CA10: variants seen among roughly 807,000 people sequenced by gnomAD.
CA10 encodes the protein carbonic anhydrase-related protein 10.
CA10 carries 14 observed loss-of-function variants against 44.2 expected under a neutral mutation model. That is an observed-to-expected ratio of 0.32 (90% CI 0.21 to 0.50). The LOEUF (loss-of-function observed/expected upper bound fraction) is 0.50. CA10 is among the 20% of genes least tolerant of loss of function. CA10 has a pLI of 0.99. For synonymous variants in CA10, 159 were observed against 141.6 expected (o/e 1.12, Z -0.87); for missense variants, 350 against 409.7 (o/e 0.85, Z 1.26).
intron 1 of CA10, among the ~76,000 whole-genome samples, chr17:52,098,718 T>C (rs939104762): frequency 3.9e-5 from 6 of 152,180 alleles, no homozygotes; most frequent in African/African-American, 1.4e-4. Flanking sequence ...GATACCTACC[T>C]GTTCCTCTAC....
At chr17:51,772,137 A>G (rs1207480253) in intron 3 of CA10, among the ~76,000 whole-genome samples, 1 of 152,184 alleles carries the variant, frequency 6.6e-6, no homozygotes, top group East Asian at 1.9e-4. Flanking sequence ...CCTCATCTGT[A>G]TATGGGGAGA....
At chr17:52,008,057 C>G (rs1985661712) in intron 2 of CA10, among the ~76,000 whole-genome samples, 1 of 151,514 alleles carries the variant, frequency 6.6e-6, no homozygotes, top group Non-Finnish European at 1.5e-5. Context: ...ATTACTCATT[C>G]AGTCTCTCTT....
At chr17:52,066,816 G>A (rs918206610) in intron 2 of CA10, among the ~76,000 whole-genome samples, 1 of 152,190 alleles carries the variant, frequency 6.6e-6, no homozygotes, top group Non-Finnish European at 1.5e-5. Flanking sequence ...CCACCCCAGA[G>A]ATCTGTGGAG....
intron 3 of CA10, among the ~76,000 whole-genome samples, chr17:51,857,901 G>A (rs911814936): frequency 1.3e-5 from 2 of 152,114 alleles, no homozygotes; most frequent in African/African-American, 4.8e-5. Context: ...GCACAGTCAG[G>A]GTTGAAATTG....
intron 4 of CA10, among the ~76,000 whole-genome samples, chr17:51,716,654 GTTCA>G (rs1258054712): frequency 1.3e-5 from 2 of 152,078 alleles, no homozygotes; most frequent in Non-Finnish European, 2.9e-5. Flanking sequence ...TGAACTTGGG[GTTCA>G]TTAAGCTGCA....
At chr17:51,967,723 A>G (rs1486524414) in intron 2 of CA10, among the ~76,000 whole-genome samples, 1 of 151,728 alleles carries the variant, frequency 6.6e-6, no homozygotes, top group South Asian at 2.1e-4. Context: ...AAGAGTTGAA[A>G]AACTGTCAGG....
At chr17:51,962,510 ACT>A (rs1483180785) in intron 2 of CA10, among the ~76,000 whole-genome samples, 1 of 152,190 alleles carries the variant, frequency 6.6e-6, no homozygotes, top group Non-Finnish European at 1.5e-5. Flanking sequence ...TAGAGCTTCT[ACT>A]GGTAAACAAG....
At chr17:51,640,410 C>A (rs1913032201) in intron 6 of CA10, among the ~76,000 whole-genome samples, 1 of 152,154 alleles carries the variant, frequency 6.6e-6, no homozygotes, top group African/African-American at 2.4e-5. Context: ...GGTGAGATTG[C>A]CTGCCCTGTT....
intron 1 of CA10, among the ~76,000 whole-genome samples, chr17:52,097,543 A>G (rs538481614): frequency 4.2e-4 from 64 of 152,264 alleles, no homozygotes; most frequent in African/African-American, 1.5e-3. Context: ...TGATATTTCT[A>G]TCCAGTACAC....
At chr17:51,942,189 T>C (rs1983104476) in intron 2 of CA10, among the ~76,000 whole-genome samples, 1 of 152,118 alleles carries the variant, frequency 6.6e-6, no homozygotes, top group South Asian at 2.1e-4. Flanking sequence ...GGTTTATGTG[T>C]ATGTAGGGTA....
chr17:51,849,266 A>ATATATATATATATATAT (rs1555605624), intron 3 of CA10, among the ~76,000 whole-genome samples: 2 of 68,442 alleles, frequency 2.9e-5, no homozygotes, highest in Non-Finnish European at 7.8e-5. Context: ...TATATATATA[A>ATATATATATATATATAT]AACTAAGTTT....
chr17:51,942,563 C>G (rs1013378959), intron 2 of CA10, among the ~76,000 whole-genome samples: 6 of 130,656 alleles, frequency 4.6e-5, no homozygotes, highest in African/African-American at 1.5e-4. Flanking sequence ...TATCTGTCAT[C>G]TCCCAAATCT....
At chr17:51,845,051 G>A (rs1256283319) in intron 3 of CA10, among the ~76,000 whole-genome samples, 2 of 152,182 alleles carry the variant, frequency 1.3e-5, no homozygotes, top group Non-Finnish European at 1.5e-5. Flanking sequence ...GCCAAGGAAT[G>A]CCAAGGATTG....
intron 2 of CA10, among the ~76,000 whole-genome samples, chr17:52,050,813 G>A (rs572273090): frequency 3.3e-4 from 50 of 152,156 alleles, no homozygotes; most frequent in African/African-American, 1.1e-3. Context: ...TTCATAGAAT[G>A]TGCATACTTT....
intron 3 of CA10, among the ~76,000 whole-genome samples, chr17:51,829,981 G>A (rs765463987): frequency 3.9e-5 from 6 of 152,214 alleles, no homozygotes; most frequent in Middle Eastern, 3.4e-3. Context: ...GGCAGATCAC[G>A]AGGTTAAGAG....
rs1980219353 is a variant in CA10 at position 51,878,869 on chromosome 17, TATATATATATATATA to T, written c.279+52106_279+52120del. Among the ~76,000 whole-genome samples, 13 of 26,820 alleles carry T rather than the reference TATATATATATATATA, an allele frequency of 4.8e-4. 1 individual carries two copies. The highest frequency in any genetic ancestry group is 2.8e-3 in the East Asian group (1 of 358). The allele number at this position is 26,820 out of a possible 152,430, so 17.6% of individuals were successfully genotyped here. Reference sequence around the variant, plus strand: ...ATATATATATATATATATATATATATATATATATATATATATATATATGGGTGTGTGTGTGTGTGT... The same window carrying T: ...ATATATATATATATATATATATATATTATATATGGGTGTGTGTGTGTGTGT... On this transcript the variant is annotated intron_variant, in intron 3 of 8. Coordinates refer to ENST00000451037, the MANE Select transcript of CA10 (RefSeq NM_020178.5).
chr17:51,784,202 T>G (rs1177553855), intron 3 of CA10, among the ~76,000 whole-genome samples: 1 of 152,162 alleles, frequency 6.6e-6, no homozygotes, highest in Non-Finnish European at 1.5e-5. Flanking sequence ...TCAGAGGAGC[T>G]GGCTGGACCC....
At chr17:52,105,662 T>C (rs1020894960) in intron 1 of CA10, among the ~76,000 whole-genome samples, 1 of 152,200 alleles carries the variant, frequency 6.6e-6, no homozygotes, top group Admixed American at 6.5e-5. Context: ...GGGGATTAAG[T>C]AAGATGGAAA....
intron 4 of CA10, among the ~76,000 whole-genome samples, chr17:51,740,086 G>A (rs1442443134): frequency 6.6e-6 from 1 of 151,856 alleles, no homozygotes; most frequent in East Asian, 1.9e-4. Context: ...TTGCCATTAT[G>A]ACTATACAAT....
Sources: allele counts gnomAD v4.1 joint callset (sites outside exome capture counted in the v4.1 genomes callset), GRCh38; gene constraint gnomAD v4.1.1; transcripts MANE v1.5; gene names NCBI Gene and HGNC (gene_info 2026-07-23, HGNC 2026-07-21).